FAT1: variants seen among roughly 807,000 people sequenced by gnomAD.
FAT1 encodes FAT atypical cadherin 1, also known as protocadherin Fat 1.
Under a neutral mutation model 329.8 loss-of-function variants are expected in FAT1, and 171 were observed. The observed-to-expected ratio is 0.52, with a 90% CI of 0.46 to 0.59. The LOEUF (loss-of-function observed/expected upper bound fraction) is 0.59. FAT1 is among the 20% of genes least tolerant of loss of function. The probability of loss-of-function intolerance (pLI) is 0.00; values close to 1 mark genes in which losing one functional copy is unlikely to be tolerated. For synonymous variants in FAT1, 2,233 were observed against 2,228.6 expected, an observed-to-expected ratio of 1.00 and a Z score of -0.06; for missense variants, 5,672 against 5,774.4, an observed-to-expected ratio of 0.98 and a Z score of 0.57.
At chr4:186,649,669 G>A (rs560932481) in intron 3 of FAT1, among the ~76,000 whole-genome samples, 3 of 152,124 alleles carry the variant, frequency 2.0e-5, no homozygotes, top group Non-Finnish European at 4.4e-5. Context: ...CTTCCTTAGC[G>A]CTTTCAGAGG....
At chr4:186,719,918 C>T (rs887591453) in intron 1 of FAT1, among the ~76,000 whole-genome samples, 1 of 152,204 alleles carries the variant, frequency 6.6e-6, no homozygotes, top group Non-Finnish European at 1.5e-5. Flanking sequence ...CCTATTCAAA[C>T]TTCTTTGTGA....
At chr4:186,656,293 A>C (rs75198983) in intron 3 of FAT1, among the ~76,000 whole-genome samples, 2,398 of 152,324 alleles carry the variant, frequency 0.016, 23 homozygotes, top group Non-Finnish European at 0.026. Context: ...GTCCTGCACC[A>C]GTCATCTGCT....
chr4:186,668,159 A>C (rs1003691935), intron 2 of FAT1, among the ~76,000 whole-genome samples: 1 of 152,126 alleles, frequency 6.6e-6, no homozygotes, highest in East Asian at 1.9e-4. Flanking sequence ...AAGCGTGCCA[A>C]GTTATTTTGT....
rs1198114284 is a variant in FAT1, at chr4:186,636,934, A to T, written c.3643-20T>A. The T allele has an allele frequency of 8.3e-6, 13 of 1,571,944 alleles. No homozygotes were observed. Among genetic ancestry groups the T allele is most frequent in the Non-Finnish European group, 1.1e-5 (13 of 1,159,300 alleles). ...AGTAACCTGTTTTTTTAAAGTTAAC[A>T]GATTAACATGTTAAGATATACTATA... On this transcript the variant is annotated intron_variant, in intron 4 of 26. Transcript: ENST00000441802.
chr4:186,604,760 G>A (rs569644652), intron 17 of FAT1, among the ~76,000 whole-genome samples, 186 bp from the exon 18 acceptor site: 1 of 148,034 alleles, frequency 6.8e-6, no homozygotes, highest in East Asian at 2.0e-4. Context: ...AAGGAGAAGG[G>A]GTGTAGCGAA....
At chr4:186,724,489 G>A (rs1745640880), upstream of FAT1, among the ~76,000 whole-genome samples, 1 of 152,186 alleles carries the variant, frequency 6.6e-6, no homozygotes, top group Non-Finnish European at 1.5e-5. This position sits in a 1 kb window ranked among gnomAD's most constrained non-coding sequence, Gnocchi z 5.3. Flanking sequence ...TGACACCCCG[G>A]ACGCCCAGGC....
intron 1 of FAT1, among the ~76,000 whole-genome samples, chr4:186,723,450 T>C (rs1745551625): frequency 6.6e-6 from 1 of 152,140 alleles, no homozygotes; most frequent in Non-Finnish European, 1.5e-5. Context: ...GTCGCCTCCT[T>C]TTCCCGCTCC....
Position 186,610,726 on chromosome 4 carries a change from A to AAATATAAATTTATATAATTTATATG in FAT1, c.9853+659_9853+660insCATATAAATTATATAAATTTATATT, listed in dbSNP as rs1560932031. 4.3e-4 allele frequency among the ~76,000 whole-genome samples: 50 copies of AAATATAAATTTATATAATTTATATG among 116,624 alleles called. No homozygotes were observed. In the East Asian group the frequency reaches 0.01, roughly 23 times the overall value. The allele number at this position is 116,624 out of a possible 152,430, so 76.5% of individuals were successfully genotyped here. A position where few individuals can be genotyped will look rare whatever the true frequency, so the allele number is the denominator to read the frequency against. On this transcript the variant is annotated intron_variant, in intron 14 of 26. Transcript: ENST00000441802. ...AAATATAAATTTATATAATTTATAT[A>AAATATAAATTTATATAATTTATATG]AATATAAATTTATATAATTTATATA...
chr4:186,666,960 A>G (rs551214159), intron 2 of FAT1, among the ~76,000 whole-genome samples: 1 of 152,364 alleles, frequency 6.6e-6, no homozygotes, highest in African/African-American at 2.4e-5. Flanking sequence ...TTATGACAAA[A>G]GAGTAAACAA....
chr4:186,604,117 AG>A, intron 18 of FAT1, 140 bp from the exon 19 acceptor site: 2 of 730,862 alleles, frequency 2.7e-6, no homozygotes, highest in South Asian at 3.9e-5. Flanking sequence ...AACGTATCAA[AG>A]AAAAGGACAA....
At position 186,599,964 on chromosome 4, in the gene FAT1, C is replaced by T. The variant is rs1320492053; in HGVS notation, c.12037G>A (p.Ala4013Thr). 1.2e-6 allele frequency: 2 copies of T among 1,613,982 alleles called. No homozygotes were observed. Among genetic ancestry groups the T allele is most frequent in the Non-Finnish European group, 8.5e-7 (1 of 1,179,868 alleles). The part of the protein sequence containing the change: ...VDVSPGCFLT[A>T]TEDCASNPCQ... ...GGGTTGCTGGCGCAGTCTTCCGTGG[C>T]CGTCAGGAAGCAGCCTGGAGATACA... The change falls in exon 22 of 27, where the codon GCC becomes ACC. Residue 4013 changes from alanine (A) to threonine (T), a missense_variant. Physicochemically the swap from Ala to Thr is moderately conservative, Grantham distance 58. This residue lies in a region of FAT1 where 1,706 missense variants were observed against 1,859.1 expected (regional missense o/e 0.92). Transcript: ENST00000441802.
chr4:186,707,696 G>C lies in FAT1; in HGVS notation c.2132C>G (p.Ala711Gly), dbSNP rs1266942213. The C allele has an allele frequency of 6.2e-7, 1 of 1,613,912 alleles. No individual in the cohort carries two copies. The highest frequency in any genetic ancestry group is 8.5e-7 in the Non-Finnish European group (1 of 1,179,882). Residue 711 changes from alanine to glycine, a missense_variant, in exon 2 of 27, where the codon GCT becomes GGT. Transcript: ENST00000441802. ...DIFFDSHSVN[A>G]HIPQFRSTLP... is the part of the protein sequence containing the mutation. ...AGTGCTTCTAAACTGCGGTATGTGAGCATTGACAGAGTGAGAATCGAAGAA... is the reference window on the plus strand; with the variant it reads ...AGTGCTTCTAAACTGCGGTATGTGACCATTGACAGAGTGAGAATCGAAGAA...
intron 13 of FAT1, 31 bp from the exon 14 acceptor site, chr4:186,611,806 T>A (rs2126470735): frequency 1.3e-6 from 2 of 1,502,924 alleles, no homozygotes; most frequent in Non-Finnish European, 1.8e-6. Flanking sequence ...GTCAAAAGAT[T>A]TTAAATAAAA....
intron 1 of FAT1, among the ~76,000 whole-genome samples, chr4:186,717,486 G>A (rs184728392): frequency 6.6e-5 from 10 of 152,258 alleles, no homozygotes; most frequent in South Asian, 4.2e-4. Flanking sequence ...ATCAACCACC[G>A]GTTCCAATTT....
At chr4:186,610,406 C>T (rs1358818913) in intron 14 of FAT1, among the ~76,000 whole-genome samples, 1 of 151,586 alleles carries the variant, frequency 6.6e-6, no homozygotes, top group Non-Finnish European at 1.5e-5. Context: ...TTTGTCTCAT[C>T]TTTTTAAAAT....
At chr4:186,694,939 G>A (rs1198697773) in intron 2 of FAT1, among the ~76,000 whole-genome samples, 2 of 152,232 alleles carry the variant, frequency 1.3e-5, no homozygotes, top group African/African-American at 4.8e-5. Flanking sequence ...TCCAGCCTGG[G>A]CAACAGAGCG....
intron 2 of FAT1, among the ~76,000 whole-genome samples, chr4:186,693,391 C>T (rs1295503591): frequency 9.6e-6 from 1 of 104,300 alleles, no homozygotes; most frequent in Admixed American, 8.7e-5. Context: ...TGTGTCACAG[C>T]ACGTGGGAGA....
In FAT1 at chr4:186,590,623, G is replaced by A. The variant is rs1195649180; in HGVS notation, c.13139-1403C>T. On this transcript the variant is annotated intron_variant, in intron 26 of 26. Coordinates refer to ENST00000441802, the MANE Select transcript of FAT1 (RefSeq NM_005245.4). ...TATGGAAGTGGAGGAAAGTGACTGC[G>A]GAATGAGGAACCAGAAATTTGGCCA... is the stretch of plus-strand genomic sequence containing the variant. 1.3e-5 allele frequency: 6 copies of A among 456,854 alleles called. No individual in the cohort carries two copies. In the Middle Eastern group the frequency reaches 9.8e-4, roughly 74 times the overall value. 28.3% of individuals were successfully genotyped at this position (456,854 alleles called of 1,614,324 possible).
intron 2 of FAT1, among the ~76,000 whole-genome samples, chr4:186,680,109 C>T (rs773460521): frequency 5.9e-5 from 9 of 152,148 alleles, no homozygotes; most frequent in Non-Finnish European, 1.0e-4. Flanking sequence ...TTTAAAGCCT[C>T]GATTAATTTA....
Sources: gnomAD v4.1 joint callset for allele counts (sites outside exome capture counted in the v4.1 genomes callset) on GRCh38, gnomAD v4.1.1 for gene constraint, gnomAD v4.1.1 regional missense constraint, Gnocchi (gnomAD v3.1) non-coding constraint, MANE v1.5 for transcripts, NCBI Gene and HGNC (gene_info 2026-07-23, HGNC 2026-07-21) for gene names.